Variants in SEMA3D observed in about 807,000 individuals in gnomAD.
SEMA3D encodes the protein semaphorin 3D.
In SEMA3D, 84 loss-of-function variants were observed where a neutral mutation model predicts 100.1. That is an observed-to-expected ratio of 0.84 (90% CI 0.70 to 1.01). The LOEUF is 1.01. Among genes scored for constraint, SEMA3D ranks in the 50% least tolerant of loss-of-function variants. SEMA3D has a pLI of 0.00. For missense variants in SEMA3D, 875 were observed against 934.1 expected, an observed-to-expected ratio of 0.94 and a Z score of 0.82; for synonymous variants, 312 against 320.7, an observed-to-expected ratio of 0.97 and a Z score of 0.29.
the SEMA3D span, among the ~76,000 whole-genome samples, chr7:85,238,890 T>C: frequency 6.6e-6 from 1 of 152,164 alleles, no homozygotes. Flanking sequence ...GTTTTTCTTT[T>C]ATAGATCTTG....
At chr7:85,118,192 A>G (rs575494812) in intron 3 of SEMA3D, among the ~76,000 whole-genome samples, 5 of 152,044 alleles carry the variant, frequency 3.3e-5, no homozygotes, top group Non-Finnish European at 7.4e-5. Context: ...TGGAGTTTTC[A>G]TTATTTTTGT....
chr7:85,170,957 T>G (rs1488534819), intron 1 of SEMA3D, among the ~76,000 whole-genome samples: 1 of 152,080 alleles, frequency 6.6e-6, no homozygotes, highest in Non-Finnish European at 1.5e-5. Context: ...TTACTCTCTT[T>G]AAAACTCATT....
chr7:85,040,753 G>T lies in SEMA3D; in HGVS notation c.977-11C>A. 1 of 1,195,074 alleles carries T rather than the reference G, an allele frequency of 8.4e-7. No homozygotes were observed. The highest frequency in any genetic ancestry group is 1.2e-6 in the Non-Finnish European group (1 of 806,498). The allele number at this position is 1,195,074 out of a possible 1,614,324, so 74.0% of individuals were successfully genotyped here. ...GTAAATAAATATCTTCTATTAAAGG[G>T]GAAAAATAAATATTTACTCTTATTT... On this transcript the variant is annotated splice_polypyrimidine_tract_variant and intron_variant, in intron 10 of 18. Transcript: ENST00000284136.
chr7:85,045,892 T>C (rs1446991665), intron 9 of SEMA3D, among the ~76,000 whole-genome samples: 1 of 151,952 alleles, frequency 6.6e-6, no homozygotes, highest in Non-Finnish European at 1.5e-5. Context: ...CTAGTTGTGA[T>C]AAGAAGAGCA....
At chr7:85,126,109 C>T (rs534021490) in intron 2 of SEMA3D, among the ~76,000 whole-genome samples, 1 of 152,130 alleles carries the variant, frequency 6.6e-6, no homozygotes, top group South Asian at 2.1e-4. Flanking sequence ...TCAAGAAGGC[C>T]TTGTGCCATT....
intron 3 of SEMA3D, among the ~76,000 whole-genome samples, chr7:85,120,702 A>T (rs1390851282): frequency 6.6e-6 from 1 of 151,766 alleles, no homozygotes. Context: ...TTATTGATTA[A>T]ATAAGACATC....
chr7:85,016,250 C>CTTTTTTTTTTTTT (rs59812080), intron 15 of SEMA3D, among the ~76,000 whole-genome samples: 2 of 128,772 alleles, frequency 1.6e-5, no homozygotes, highest in Non-Finnish European at 3.4e-5. Context: ...TTTGTGATTC[C>CTTTTTTTTTTTTT]TTTTTTTTTT....
chr7:85,141,944 C>CA (rs988047005), intron 2 of SEMA3D: 5 of 979,324 alleles, frequency 5.1e-6, no homozygotes, highest in African/African-American at 3.6e-5. Context: ...ACTTTGCACT[C>CA]AAAAAAAGAG....
At chr7:85,074,240 A>G (rs1791857759) in intron 5 of SEMA3D, among the ~76,000 whole-genome samples, 1 of 152,160 alleles carries the variant, frequency 6.6e-6, no homozygotes. Flanking sequence ...GAAAAAGTCC[A>G]GTTTCTTTCT....
chr7:85,139,961 A>G (rs1042159387), intron 2 of SEMA3D: 1 of 202,200 alleles, frequency 4.9e-6, no homozygotes, highest in Admixed American at 6.5e-5. Context: ...CCCTGAGTAG[A>G]GGGCAACATT....
intron 4 of SEMA3D, among the ~76,000 whole-genome samples, chr7:85,084,644 T>C (rs1182247353): frequency 6.6e-6 from 1 of 152,056 alleles, no homozygotes; most frequent in Non-Finnish European, 1.5e-5. Flanking sequence ...GAGGTACAAG[T>C]GCAGGTTTGT....
chr7:85,028,660 T>A (rs917292129), intron 12 of SEMA3D: 1 of 205,056 alleles, frequency 4.9e-6, no homozygotes, highest in Admixed American at 5.5e-5. Context: ...CTTCCAGCAC[T>A]GAAACCAGTA....
At chr7:85,191,045 C>T (rs573990883), upstream of SEMA3D, among the ~76,000 whole-genome samples, 2 of 152,092 alleles carry the variant, frequency 1.3e-5, no homozygotes, top group African/African-American at 4.8e-5. Flanking sequence ...TCAAAACTGT[C>T]CAAGCCAGAA....
At chr7:85,143,870 C>T (rs1790126350) in intron 2 of SEMA3D, among the ~76,000 whole-genome samples, 1 of 151,856 alleles carries the variant, frequency 6.6e-6, no homozygotes, top group African/African-American at 2.4e-5. Context: ...GCCACCACAC[C>T]TGGCGAATTT....
chr7:85,050,118 C>G lies in SEMA3D; in HGVS notation c.861+5599G>C, dbSNP rs73713933. The stretch of plus-strand genomic sequence containing the variant: ...ACACACACACACACACACACACACA[C>G]ACAGAGACAGAGTAATAAACATCAG... On this transcript the variant is annotated intron_variant, in intron 9 of 18. Transcript: ENST00000284136. Among the ~76,000 whole-genome samples, 867 of 124,398 alleles carry G rather than the reference C, an allele frequency of 7.0e-3. 11 individuals are homozygous for G. Among genetic ancestry groups the G allele is most frequent in the African/African-American group, 0.024 (808 of 33,374 alleles). The allele number at this position is 124,398 out of a possible 152,430, so 81.6% of individuals were successfully genotyped here. A position where few individuals can be genotyped will look rare whatever the true frequency, so the allele number is the denominator to read the frequency against.
At chr7:85,115,418 A>G (rs1789210778) in intron 3 of SEMA3D, among the ~76,000 whole-genome samples, 1 of 152,198 alleles carries the variant, frequency 6.6e-6, no homozygotes, top group African/African-American at 2.4e-5. Context: ...ATCTTCAGTG[A>G]ATATTATCAG....
chr7:85,216,345 C>A, the SEMA3D span, among the ~76,000 whole-genome samples: 1 of 140,932 alleles, frequency 7.1e-6, no homozygotes, highest in Admixed American at 7.4e-5. Context: ...ACTTGTAACA[C>A]AAATAAGAGT....
chr7:85,192,518 T>C, the SEMA3D span, among the ~76,000 whole-genome samples: 1 of 152,094 alleles, frequency 6.6e-6, no homozygotes, highest in Non-Finnish European at 1.5e-5. Context: ...ACTACCGAAC[T>C]AGACCAAATT....
At chr7:85,058,728 A>G (rs1263135479) in intron 8 of SEMA3D, among the ~76,000 whole-genome samples, 1 of 142,918 alleles carries the variant, frequency 7.0e-6, no homozygotes, top group African/African-American at 2.6e-5. Context: ...AGCCTGGGCG[A>G]CAGAGCGAGA....
Sources: gnomAD v4.1 joint callset for allele counts (sites outside exome capture counted in the v4.1 genomes callset) on GRCh38, gnomAD v4.1.1 for gene constraint, MANE v1.5 for transcripts, NCBI Gene and HGNC (gene_info 2026-07-23, HGNC 2026-07-21) for gene names.